RGS17: variants seen among roughly 807,000 people sequenced by gnomAD.
The protein encoded by RGS17 is regulator of G-protein signaling 17.
A neutral mutation model predicts 25.5 loss-of-function variants in RGS17; 12 were observed. The observed-to-expected ratio is 0.47, with a 90% CI of 0.30 to 0.76. RGS17 has a LOEUF of 0.76. RGS17 is among the 30% of genes least tolerant of loss of function. The pLI, the probability that RGS17 is intolerant of heterozygous loss-of-function variation, is 0.07. For missense variants in RGS17, 196 were observed against 242.2 expected (o/e 0.81, Z 1.27); for synonymous variants, 71 against 76.9 (o/e 0.92, Z 0.40).
intron 2 of RGS17, among the ~76,000 whole-genome samples, chr6:153,037,612 G>C (rs1430841054): frequency 1.3e-5 from 2 of 151,394 alleles, no homozygotes; most frequent in African/African-American, 4.9e-5. Flanking sequence ...TTTTAGTACA[G>C]ACGGGGTTTC....
At chr6:153,124,653 C>G (rs112382972) in intron 1 of RGS17, among the ~76,000 whole-genome samples, 4,098 of 152,142 alleles carry the variant, frequency 0.027, 178 homozygotes, top group African/African-American at 0.095. Context: ...AGGCTAAATC[C>G]CTGGTTATTT....
At chr6:153,077,613 T>C (rs112149451) in intron 1 of RGS17, among the ~76,000 whole-genome samples, 2,975 of 152,302 alleles carry the variant, frequency 0.02, 48 homozygotes, top group Non-Finnish European at 0.028. Flanking sequence ...AAAATTATCA[T>C]TGACAACAAA....
chr6:153,041,024 G>A (rs908005133), intron 2 of RGS17, among the ~76,000 whole-genome samples: 2 of 150,852 alleles, frequency 1.3e-5, no homozygotes, highest in Non-Finnish European at 3.0e-5. Flanking sequence ...AATTAGCCAG[G>A]TGTGGTGGCA....
At chr6:153,075,782 GA>G (rs1369941580) in intron 1 of RGS17, among the ~76,000 whole-genome samples, 5 of 152,168 alleles carry the variant, frequency 3.3e-5, no homozygotes, top group African/African-American at 1.2e-4. Flanking sequence ...AAATGAAAAA[GA>G]AAACAATGTA....
intron 4 of RGS17, among the ~76,000 whole-genome samples, chr6:153,021,263 T>C (rs1266144656): frequency 6.6e-6 from 1 of 152,226 alleles, no homozygotes; most frequent in Non-Finnish European, 1.5e-5. Flanking sequence ...AATTCCGGTA[T>C]AATCAGGACT....
At chr6:153,027,472 T>C (rs1428584352) in intron 2 of RGS17, among the ~76,000 whole-genome samples, 2 of 152,136 alleles carry the variant, frequency 1.3e-5, no homozygotes, top group Non-Finnish European at 2.9e-5. Flanking sequence ...CTGATCCCTC[T>C]GTCTAGAAGC....
At chr6:153,083,162 C>T (rs1777007234) in intron 1 of RGS17, among the ~76,000 whole-genome samples, 1 of 152,192 alleles carries the variant, frequency 6.6e-6, no homozygotes, top group Admixed American at 6.5e-5. Flanking sequence ...AAAGTTCCCT[C>T]CTCTGAAACT....
At chr6:153,019,610 T>A (rs1488174723) in intron 4 of RGS17, among the ~76,000 whole-genome samples, 2 of 152,060 alleles carry the variant, frequency 1.3e-5, no homozygotes, top group Non-Finnish European at 2.9e-5. Flanking sequence ...TCTTGCGAGA[T>A]CTGGTTATTT....
At chr6:153,128,953 G>T (rs548662638) in intron 1 of RGS17, among the ~76,000 whole-genome samples, 11 of 152,022 alleles carry the variant, frequency 7.2e-5, no homozygotes, top group African/African-American at 2.7e-4. Context: ...TAGCAAAAAG[G>T]GTCGAAATCA....
chr6:153,091,933 C>G (rs1370282316), intron 1 of RGS17, among the ~76,000 whole-genome samples: 1 of 152,016 alleles, frequency 6.6e-6, no homozygotes, highest in Admixed American at 6.5e-5. Context: ...AATATTTGAC[C>G]AGACACATCT....
chr6:153,053,991 A>ATT (rs1421769725), intron 1 of RGS17, among the ~76,000 whole-genome samples: 2 of 49,710 alleles, frequency 4.0e-5, no homozygotes, highest in African/African-American at 1.5e-4. Context: ...ATATGTATAT[A>ATT]ATATATATAC....
chr6:153,060,919 A>G (rs1044651848), intron 1 of RGS17, among the ~76,000 whole-genome samples: 2 of 152,226 alleles, frequency 1.3e-5, no homozygotes, highest in African/African-American at 4.8e-5. Context: ...TGTGATAAGA[A>G]GCATCATGAA....
At chr6:153,072,575 C>T (rs1032332859) in intron 1 of RGS17, among the ~76,000 whole-genome samples, 3 of 152,176 alleles carry the variant, frequency 2.0e-5, no homozygotes, top group African/African-American at 7.2e-5. Context: ...ACTGGTATCT[C>T]CAGAGTCTCT....
chr6:153,070,967 G>C (rs1324826375), intron 1 of RGS17, among the ~76,000 whole-genome samples: 2 of 148,314 alleles, frequency 1.3e-5, no homozygotes, highest in Non-Finnish European at 3.0e-5. Context: ...GTATATACAC[G>C]TGTATATGTA....
At chr6:153,072,746 G>T (rs1776823695) in intron 1 of RGS17, among the ~76,000 whole-genome samples, 1 of 152,182 alleles carries the variant, frequency 6.6e-6, no homozygotes, top group Admixed American at 6.5e-5. Flanking sequence ...TGCATGAATT[G>T]TCAATCTTCC....
At position 153,054,001 on chromosome 6, in the gene RGS17, CATATATACGTATATATGTATATA is replaced by C. The variant is rs1562321401; in HGVS notation, c.-25-9981_-25-9959del. On this transcript the variant is annotated intron_variant, in intron 1 of 4. Coordinates refer to ENST00000206262, the MANE Select transcript of RGS17 (RefSeq NM_012419.5). The stretch of plus-strand genomic sequence containing the variant: ...TGTATATATGTATATAATATATATA[CATATATACGTATATATGTATATA>C]ATATATATACATATATATGTATATA... Among the ~76,000 whole-genome samples, 56 of 30,234 alleles carry C rather than the reference CATATATACGTATATATGTATATA, an allele frequency of 1.9e-3. 1 individual carries two copies. Among genetic ancestry groups the C allele is most frequent in the African/African-American group, 8.6e-3 (54 of 6,254 alleles). The allele number at this position is 30,234 out of a possible 152,430, so 19.8% of individuals were successfully genotyped here.
At chr6:153,038,303 G>A (rs1197792421) in intron 2 of RGS17, among the ~76,000 whole-genome samples, 3 of 152,106 alleles carry the variant, frequency 2.0e-5, no homozygotes, top group Non-Finnish European at 4.4e-5. Flanking sequence ...TCAGTCCATA[G>A]TCCTATTGTC....
In RGS17 at chr6:153,033,051, C is replaced by T. The variant is rs144683546; in HGVS notation, c.120-6508G>A. ...TATTTCAATTTCTGTTTGGGTGGTA[C>T]GTGAACATTCATTTCTTCTTTTGAC... On this transcript the variant is annotated intron_variant, in intron 2 of 4. Coordinates refer to ENST00000206262, the MANE Select transcript of RGS17 (RefSeq NM_012419.5). 5.3e-5 allele frequency among the ~76,000 whole-genome samples: 8 copies of T among 152,268 alleles called. 1 individual carries two copies. The East Asian group carries it at 7.7e-4, about 15-fold the overall frequency.
At position 153,024,270 on chromosome 6, in the gene RGS17, G is replaced by T; in HGVS notation, c.436C>A (p.Pro146Thr). 6.2e-7 allele frequency: 1 copy of T among 1,603,510 alleles called. No individual in the cohort carries two copies. The highest frequency in any genetic ancestry group is 8.5e-7 in the Non-Finnish European group (1 of 1,171,530). The part of the protein sequence containing the change: ...IYEDYISILS[P>T]KEVSLDSRVR... ...GTTTTCCAGATTTTTACCTCTTTTGGTGATAGTATAGAAATGTAATCTTCA... is the reference window on the plus strand; with the variant it reads ...GTTTTCCAGATTTTTACCTCTTTTGTTGATAGTATAGAAATGTAATCTTCA... Residue 146 changes from proline to threonine, a missense_variant, in exon 4 of 5, where the codon CCA becomes ACA. By Grantham distance (38) the Pro-to-Thr change is conservative (BLOSUM62 -1). This residue lies in a region of RGS17 where 179 missense variants were observed against 197.6 expected (regional missense o/e 0.91). Coordinates refer to ENST00000206262, the MANE Select transcript of RGS17 (RefSeq NM_012419.5).
Sources: gnomAD v4.1 joint callset for allele counts (sites outside exome capture counted in the v4.1 genomes callset) on GRCh38, gnomAD v4.1.1 for gene constraint, gnomAD v4.1.1 regional missense constraint, MANE v1.5 for transcripts, NCBI Gene and HGNC (gene_info 2026-07-23, HGNC 2026-07-21) for gene names.